TBC1D22A: variants seen among roughly 807,000 people sequenced by gnomAD.
TBC1D22A encodes TBC1 domain family member 22A, also known as putative GTPase activator.
In TBC1D22A, 38 loss-of-function variants were observed where a neutral mutation model predicts 60.2. That is an observed-to-expected ratio of 0.63 (90% CI 0.49 to 0.83). TBC1D22A has a LOEUF of 0.83. TBC1D22A is among the 40% of genes least tolerant of loss of function. The pLI is 0.00. For missense variants in TBC1D22A, 628 were observed against 701.0 expected (o/e 0.90, Z 1.18); for synonymous variants, 302 against 281.7 (o/e 1.07, Z -0.72).
chr22:46,766,729 G>A (rs2083299003), intron 1 of TBC1D22A, among the ~76,000 whole-genome samples: 1 of 152,002 alleles, frequency 6.6e-6, no homozygotes, highest in East Asian at 1.9e-4. Context: ...GTAGAGATGT[G>A]GTTTCAACAT....
intron 11 of TBC1D22A, among the ~76,000 whole-genome samples, chr22:47,102,989 G>T (rs114941709): frequency 0.025 from 3,787 of 152,164 alleles, 131 homozygotes; most frequent in African/African-American, 0.084. Context: ...GTTTTTGTTT[G>T]TTCAGGTCAC....
chr22:47,103,586 T>G (rs568213673), intron 11 of TBC1D22A, among the ~76,000 whole-genome samples: 12 of 152,256 alleles, frequency 7.9e-5, no homozygotes, highest in African/African-American at 2.4e-4. Context: ...AGGAGCCCGC[T>G]GAATTAGAAA....
At chr22:47,135,686 A>T (rs2147127448) in intron 12 of TBC1D22A, among the ~76,000 whole-genome samples, 1 of 152,358 alleles carries the variant, frequency 6.6e-6, no homozygotes, top group Admixed American at 6.5e-5. Flanking sequence ...TCGGCTTCTA[A>T]ATCGCCCAGA....
intron 8 of TBC1D22A, among the ~76,000 whole-genome samples, chr22:46,953,733 T>C (rs2148018523): frequency 6.6e-6 from 1 of 152,366 alleles, no homozygotes; most frequent in African/African-American, 2.4e-5. Context: ...TTGTCATTAT[T>C]ATCTTTGGTC....
chr22:46,935,644 C>T (rs183119857), intron 8 of TBC1D22A, among the ~76,000 whole-genome samples: 1 of 152,332 alleles, frequency 6.6e-6, no homozygotes, highest in East Asian at 1.9e-4. Flanking sequence ...CTTCCCCAGG[C>T]GGCTCTGCTG....
intron 12 of TBC1D22A, among the ~76,000 whole-genome samples, chr22:47,128,578 G>C (rs2066573725): frequency 6.6e-6 from 1 of 151,522 alleles, no homozygotes; most frequent in African/African-American, 2.4e-5. Context: ...AAGAGAAATG[G>C]AGTCCTGCAC....
chr22:46,896,624 C>T (rs1164304986), intron 7 of TBC1D22A, among the ~76,000 whole-genome samples: 1 of 152,148 alleles, frequency 6.6e-6, no homozygotes, highest in African/African-American at 2.4e-5. Context: ...CTCCTGTTTT[C>T]TGTCACTGCC....
intron 10 of TBC1D22A, among the ~76,000 whole-genome samples, chr22:47,011,329 C>G (rs190079056): frequency 0.013 from 2,003 of 152,310 alleles, 20 homozygotes; most frequent in Middle Eastern, 0.034. Context: ...CTCCACTCCC[C>G]GCGCTTCCTC....
chr22:47,167,656 G>C (rs531654988), intron 12 of TBC1D22A, among the ~76,000 whole-genome samples: 20 of 152,322 alleles, frequency 1.3e-4, no homozygotes, highest in African/African-American at 4.6e-4. Flanking sequence ...GAAGAGACCT[G>C]AAAGCAGGGT....
intron 8 of TBC1D22A, among the ~76,000 whole-genome samples, chr22:46,940,569 C>T (rs192393935): frequency 3.9e-4 from 54 of 139,094 alleles, no homozygotes; most frequent in African/African-American, 1.4e-3. Context: ...TATACACACA[C>T]ACACACATGC....
intron 12 of TBC1D22A, among the ~76,000 whole-genome samples, chr22:47,168,798 G>A (rs2068310627): frequency 6.6e-6 from 1 of 152,010 alleles, no homozygotes; most frequent in Non-Finnish European, 1.5e-5. Flanking sequence ...TCCACGGATG[G>A]CACTAGGATT....
chr22:47,079,509 G>T (rs2064371585), intron 11 of TBC1D22A, among the ~76,000 whole-genome samples: 1 of 152,202 alleles, frequency 6.6e-6, no homozygotes, highest in African/African-American at 2.4e-5. Flanking sequence ...GCACAGGGAA[G>T]GGGTAAATGG....
chr22:47,063,968 TC>T (rs1278077450), intron 11 of TBC1D22A, among the ~76,000 whole-genome samples: 5 of 48,388 alleles, frequency 1.0e-4, no homozygotes, highest in Non-Finnish European at 1.8e-4. Context: ...CTGAACTGCA[TC>T]TTCAGGTGCC....
At chr22:46,881,484 C>T (rs544631331) in intron 5 of TBC1D22A, among the ~76,000 whole-genome samples, 2 of 152,216 alleles carry the variant, frequency 1.3e-5, no homozygotes, top group Non-Finnish European at 2.9e-5. Flanking sequence ...TGCACTGCTG[C>T]CCTGTGTCTG....
At chr22:46,894,926 C>A in intron 7 of TBC1D22A, 80 bp downstream of exon 7, 1 of 1,517,654 alleles carries the variant, frequency 6.6e-7, no homozygotes, top group Non-Finnish European at 9.1e-7. Context: ...GTGGGCGCAG[C>A]CGGAGGTGCT....
At chr22:46,859,033 C>A (rs1429693077) in intron 4 of TBC1D22A, among the ~76,000 whole-genome samples, 1 of 120,350 alleles carries the variant, frequency 8.3e-6, no homozygotes, top group Non-Finnish European at 1.8e-5. Context: ...GAGGTCCGCG[C>A]AGTGCTGTGC....
chr22:46,840,271 TA>T (rs1262164108), intron 4 of TBC1D22A, among the ~76,000 whole-genome samples: 1 of 151,958 alleles, frequency 6.6e-6, no homozygotes, highest in Non-Finnish European at 1.5e-5. Context: ...CCAAACAAAC[TA>T]AATAACCTGA....
At chr22:47,060,252 T>A (rs2063522871) in intron 11 of TBC1D22A, among the ~76,000 whole-genome samples, 1 of 149,172 alleles carries the variant, frequency 6.7e-6, no homozygotes, top group Non-Finnish European at 1.5e-5. Flanking sequence ...TTTTTTTTTT[T>A]TTTTTTTGAG....
chr22:47,159,169 G>T (rs1227251616), intron 12 of TBC1D22A, among the ~76,000 whole-genome samples: 1 of 144,202 alleles, frequency 6.9e-6, no homozygotes, highest in East Asian at 2.1e-4. Flanking sequence ...CATGTGTGCG[G>T]ATACTACACA....
Sources: gnomAD v4.1 joint callset for allele counts (sites outside exome capture counted in the v4.1 genomes callset) on GRCh38, gnomAD v4.1.1 for gene constraint, MANE v1.5 for transcripts, NCBI Gene and HGNC (gene_info 2026-07-23, HGNC 2026-07-21) for gene names.